Variants in BMX observed in about 807,000 individuals in gnomAD.
The protein encoded by BMX is BMX non-receptor tyrosine kinase.
A neutral mutation model predicts 59.2 loss-of-function variants in BMX; 31 were observed. The observed-to-expected ratio is 0.52, with a 90% CI of 0.39 to 0.71. BMX has a LOEUF of 0.71. Among genes scored for constraint, BMX ranks in the 30% least tolerant of loss-of-function variants. BMX has a pLI of 0.00. For missense variants in BMX, 474 were observed against 491.7 expected (o/e 0.96, Z 0.34); for synonymous variants, 185 against 181.0 (o/e 1.02, Z -0.18).
In BMX at chrX:15,542,009, A is replaced by T; in HGVS notation, c.1422A>T (p.Lys474Asn). ...MMKLSHPKLV[K>N]FYGVCSKEYP... ...AACTCAGCCATCCCAAGCTGGTTAA[A>T]TTCTATGGAGTGTGTTCAAAGGAAT... is the stretch of plus-strand genomic sequence containing the variant. The change falls in exon 15 of 19, where the codon AAA (lysine) becomes AAT (asparagine). Residue 474 changes from lysine (K) to asparagine (N), a missense_variant. Lys to Asn is a moderately conservative substitution (Grantham distance 94). Transcript: ENST00000348343. 8.3e-7 allele frequency: 1 copy of T among 1,210,528 alleles called. No homozygotes were observed. Among genetic ancestry groups the T allele is most frequent in the Non-Finnish European group, 1.1e-6 (1 of 895,208 alleles).
intron 5 of BMX, among the ~76,000 whole-genome samples, chrX:15,516,768 G>A (rs980842435): frequency 9.0e-6 from 1 of 110,921 alleles, no homozygotes; most frequent in African/African-American, 3.3e-5. Context: ...AAAGCAGTTC[G>A]CCATTCTCTA....
At position 15,510,461 on chromosome X, in the gene BMX, A is replaced by C. The variant is rs775714353; in HGVS notation, c.244-976A>C. On this transcript the variant is annotated intron_variant, in intron 3 of 18. Transcript: ENST00000348343. ...GAGGCCAAGGAGGGAGGATCACTTA[A>C]GGCTGGGAGTTCAAGACTAGCCTGG... Among the ~76,000 whole-genome samples, 3 of 111,742 alleles carry C rather than the reference A, an allele frequency of 2.7e-5. No individual in the cohort carries two copies. The East Asian group carries it at 8.5e-4, about 32-fold the overall frequency.
intron 17 of BMX, 128 bp from the exon 18 acceptor site, chrX:15,549,712 C>A: frequency 1.3e-6 from 1 of 766,471 alleles, no homozygotes. Flanking sequence ...GGACTCATTT[C>A]CCAGGGATCC....
chrX:15,515,336 A>T (rs898084616), intron 4 of BMX, among the ~76,000 whole-genome samples: 7 of 110,540 alleles, frequency 6.3e-5, no homozygotes, highest in Admixed American at 4.8e-4. Flanking sequence ...AAAAAATTTT[A>T]AAAATTAATA....
Position 15,536,408 on chromosome X carries a change from C to A in BMX, c.1203C>A (p.Asp401Glu). Residue 401 changes from aspartate to glutamate, a missense_variant, in exon 13 of 19, where the codon GAC (aspartate) becomes GAA (glutamate). Asp to Glu is a conservative substitution (Grantham distance 45). Transcript: ENST00000348343. ...PVSTKANKVP[D>E]SVSLGNGIWE... ...CAACAAAGGCCAACAAGGTCCCCGA[C>A]TCTGTGTCCCTGGGAAATGGTATGG... The A allele has an allele frequency of 8.3e-7, 1 of 1,207,455 alleles. No homozygotes were observed. Among genetic ancestry groups the A allele is most frequent in the South Asian group, 1.8e-5 (1 of 56,591 alleles).
intron 5 of BMX, 21 bp from the exon 6 acceptor site, chrX:15,517,908 T>C: frequency 8.5e-7 from 1 of 1,172,890 alleles, no homozygotes; most frequent in Non-Finnish European, 1.2e-6. Flanking sequence ...CCTTCTGATA[T>C]TACTTTGTTT....
At chrX:15,520,166 C>G (rs1363275024) in intron 6 of BMX, among the ~76,000 whole-genome samples, 2 of 112,349 alleles carry the variant, frequency 1.8e-5, no homozygotes, top group Non-Finnish European at 3.8e-5. Flanking sequence ...TCTAATCCAC[C>G]AAACTTGTAG....
intron 13 of BMX, 86 bp from the exon 14 acceptor site, chrX:15,537,048 C>A: frequency 1.0e-6 from 1 of 967,779 alleles, no homozygotes. Flanking sequence ...CTGTGAAACT[C>A]CCATTGGAGA....
rs763035986 is a variant in BMX, at chrX:15,525,266, A to T, written c.753-22A>T. The stretch of plus-strand genomic sequence containing the variant: ...TAAGTAGACATATGTTTATAAACTT[A>T]TAAAATGTCTCTTTTTTGCAGTAGC... On this transcript the variant is annotated intron_variant, in intron 7 of 18. Coordinates refer to ENST00000348343, the MANE Select transcript of BMX (RefSeq NM_203281.3). 2.5e-6 allele frequency: 3 copies of T among 1,197,995 alleles called. No individual in the cohort carries two copies. In the South Asian group the frequency reaches 5.4e-5, roughly 22 times the overall value.
chrX:15,549,849 T>C lies in BMX; in HGVS notation c.1805T>C (p.Met602Thr). Residue 602 changes from methionine (M) to threonine (T), a missense_variant, in exon 18 of 19, where the codon ATG (methionine) becomes ACG (threonine). Coordinates refer to ENST00000348343, the MANE Select transcript of BMX (RefSeq NM_203281.3). ...KSDVWAFGIL[M>T]WEVFSLGKQP... ...TCTTGGTGTGGTGCAGGGATCCTGA[T>C]GTGGGAGGTGTTCAGCCTGGGGAAG... 1 of 1,207,606 alleles carries C rather than the reference T, an allele frequency of 8.3e-7. No homozygotes were observed. The highest frequency in any genetic ancestry group is 1.1e-6 in the Non-Finnish European group (1 of 893,219).
rs192464070 is a variant in BMX, at chrX:15,540,579, A to T, written c.1395-1403A>T. 5.6e-3 allele frequency among the ~76,000 whole-genome samples: 628 copies of T among 111,529 alleles called. 2 individuals carry two copies. The highest frequency in any genetic ancestry group is 0.019 in the African/African-American group (591 of 30,633). Reference sequence around the variant, plus strand: ...CAGAACTCAAAGTATAATAAAAAAAAAAATAAAATTTAAAAATCAACTTCT... The same window carrying T: ...CAGAACTCAAAGTATAATAAAAAAATAAATAAAATTTAAAAATCAACTTCT... On this transcript the variant is annotated intron_variant, in intron 14 of 18. Transcript: ENST00000348343.
At chrX:15,544,894 C>T (rs1925873693) in intron 16 of BMX, among the ~76,000 whole-genome samples, 1 of 110,985 alleles carries the variant, frequency 9.0e-6, no homozygotes, top group African/African-American at 3.3e-5. Context: ...TCTTCCCAGC[C>T]AGCTATTTTA....
At position 15,531,739 on chromosome X, in the gene BMX, G is replaced by A. The variant is rs182257721; in HGVS notation, c.1019+332G>A. ...TTCCCTTTCATTCAGGTCTAAGCCTGGAAAGAAAAAAAATAGCAATGGAGC... is the reference window on the plus strand; with the variant it reads ...TTCCCTTTCATTCAGGTCTAAGCCTAGAAAGAAAAAAAATAGCAATGGAGC... On this transcript the variant is annotated intron_variant, in intron 11 of 18. Transcript: ENST00000348343. Among the ~76,000 whole-genome samples, 3 of 111,014 alleles carry A rather than the reference G, an allele frequency of 2.7e-5. No individual in the cohort carries two copies. In the East Asian group the frequency reaches 8.4e-4, roughly 31 times the overall value.
rs373327836 is a variant in BMX at position 15,555,812 on chromosome X, G to T, written c.1954-261G>T. Among the ~76,000 whole-genome samples, 22 of 111,844 alleles carry T rather than the reference G, an allele frequency of 2.0e-4. No homozygotes were observed. The East Asian group carries it at 5.0e-3, about 26-fold the overall frequency. ...ACACTAAAATGCTTGCAAATAAAGA[G>T]ACTTTTTCTTTTCCAGTTATTGGGG... On this transcript the variant is annotated intron_variant, in intron 18 of 18. Transcript: ENST00000348343.
chrX:15,536,971 C>G (rs1458540515), intron 13 of BMX, among the ~76,000 whole-genome samples, 163 bp from the exon 14 acceptor site: 1 of 110,345 alleles, frequency 9.1e-6, no homozygotes, highest in African/African-American at 3.3e-5. Flanking sequence ...AGCCACAAGA[C>G]CACATCACTA....
At chrX:15,518,676 G>C (rs1292271892) in intron 6 of BMX, among the ~76,000 whole-genome samples, 2 of 111,145 alleles carry the variant, frequency 1.8e-5, no homozygotes, top group Non-Finnish European at 3.8e-5. Context: ...ATGCTTTTGG[G>C]GAGGGATTTT....
chrX:15,554,808 T>C (rs993252977), intron 18 of BMX, among the ~76,000 whole-genome samples: 1 of 111,813 alleles, frequency 8.9e-6, no homozygotes, highest in Non-Finnish European at 1.9e-5. Context: ...AAAGACCATC[T>C]TATCATCAGG....
rs755193536 is a variant in BMX, at chrX:15,542,106, G to A, written c.1519G>A (p.Gly507Arg). 1 of 1,211,632 alleles carries A rather than the reference G, an allele frequency of 8.3e-7. No individual in the cohort carries two copies. Residue 507 changes from glycine (G) to arginine (R), a missense_variant, in exon 15 of 19, where the codon GGA (glycine) becomes AGA (arginine). Physicochemically the swap from Gly to Arg is moderately radical, Grantham distance 125. Transcript: ENST00000348343. ...LLNYLRSHGK[G>R]LEPSQLLEMC... ...GAATTACCTGAGGAGTCACGGAAAA[G>A]GACTTGAACCTTCCCAGCTCTTAGA...
intron 16 of BMX, 63 bp from the exon 17 acceptor site, chrX:15,546,740 G>A (rs1417909668): frequency 7.2e-6 from 7 of 970,960 alleles, no homozygotes; most frequent in Non-Finnish European, 8.6e-6. Flanking sequence ...GGTGGCTTCC[G>A]TGTCCTTCAT....
Sources: gnomAD v4.1 joint callset for allele counts (sites outside exome capture counted in the v4.1 genomes callset) on GRCh38, gnomAD v4.1.1 for gene constraint, MANE v1.5 for transcripts, NCBI Gene and HGNC (gene_info 2026-07-23, HGNC 2026-07-21) for gene names.